Variants in RAPGEF2 observed in about 807,000 individuals in gnomAD.
The protein encoded by RAPGEF2 is Rap guanine nucleotide exchange factor 2.
In RAPGEF2, 54 loss-of-function variants were observed where a neutral mutation model predicts 186.7. That is an observed-to-expected ratio of 0.29 (90% confidence interval 0.23 to 0.36). The LOEUF (loss-of-function observed/expected upper bound fraction) is 0.36. Ranked by LOEUF, RAPGEF2 falls within the 10% of genes least tolerant of loss-of-function variation. RAPGEF2 has a pLI of 1.00. For missense variants in RAPGEF2, 1,532 were observed against 2,045.0 expected (o/e 0.75, Z 4.84); for synonymous variants, 712 against 705.9 (o/e 1.01, Z -0.14).
chr4:159,313,212 T>C (rs1353203813), intron 8 of RAPGEF2, among the ~76,000 whole-genome samples: 1 of 152,166 alleles, frequency 6.6e-6, no homozygotes, highest in East Asian at 1.9e-4. Flanking sequence ...TATTAAATTA[T>C]AGGAAAAGGA....
At chr4:159,334,189 G>A (rs541065496) in intron 17 of RAPGEF2, among the ~76,000 whole-genome samples, 2 of 152,080 alleles carry the variant, frequency 1.3e-5, no homozygotes, top group African/African-American at 2.4e-5. Flanking sequence ...AATAACCTTC[G>A]TTGATGAAAA....
intron 1 of RAPGEF2, among the ~76,000 whole-genome samples, chr4:159,156,382 ATC>A (rs1009771299): frequency 2.6e-5 from 4 of 152,236 alleles, no homozygotes; most frequent in Admixed American, 1.3e-4. Context: ...AAAGAAAAGA[ATC>A]TCTGTTTAAT....
chr4:159,249,779 C>T (rs1164001000), intron 7 of RAPGEF2, among the ~76,000 whole-genome samples: 1 of 152,022 alleles, frequency 6.6e-6, no homozygotes, highest in Non-Finnish European at 1.5e-5. Flanking sequence ...AATTCACATG[C>T]CATACAATTC....
At chr4:159,280,425 G>A (rs1759535688) in intron 7 of RAPGEF2, among the ~76,000 whole-genome samples, 1 of 152,156 alleles carries the variant, frequency 6.6e-6, no homozygotes, top group Non-Finnish European at 1.5e-5. Context: ...CTTCTTTCTT[G>A]GCACTGCTAG....
intron 1 of RAPGEF2, among the ~76,000 whole-genome samples, chr4:159,128,445 T>C (rs895005700): frequency 6.6e-6 from 1 of 152,144 alleles, no homozygotes; most frequent in African/African-American, 2.4e-5. Context: ...TGTAAAGTAT[T>C]ACTATTGCTG....
At position 159,331,714 on chromosome 4, in the gene RAPGEF2, C is replaced by T. The variant is rs771919423; in HGVS notation, c.1660C>T (p.Arg554Ter). ...ATTGATGACGTTAACAAAACCATCC[C>T]GAGAAGCTCCTTTGCCTTTTATCTT... Reference protein sequence around the residue: ...RRLMTLTKPSREAPLPFILLG... With the variant: ...RRLMTLTKPS Residue 554 changes from arginine to a stop codon, truncating the protein, a stop_gained, in exon 15 of 30, where the codon CGA (arginine) becomes TGA (stop). Coordinates refer to ENST00000691494, the MANE Select transcript of RAPGEF2 (RefSeq NM_001394067.2). LOFTEE classifies it high-confidence loss of function. 6.2e-7 allele frequency: 1 copy of T among 1,614,040 alleles called. No homozygotes were observed.
At chr4:159,216,252 C>T (rs75649354) in intron 4 of RAPGEF2, among the ~76,000 whole-genome samples, 1,760 of 152,032 alleles carry the variant, frequency 0.012, 32 homozygotes, top group African/African-American at 0.04. Flanking sequence ...GGCGATGAGG[C>T]GGTTGCATAG....
rs530947352 is a variant in RAPGEF2, at chr4:159,199,269, G to A, written c.197+6013G>A. ...TTATGTACATACGGAGATCCTTTAA[G>A]GCTTCTTGACAATGATATTTTTATA... On this transcript the variant is annotated intron_variant, in intron 3 of 29. Coordinates refer to ENST00000691494, the MANE Select transcript of RAPGEF2 (RefSeq NM_001394067.2). Among the ~76,000 whole-genome samples, 185 of 152,138 alleles carry A rather than the reference G, an allele frequency of 1.2e-3. 1 individual carries two copies. The highest frequency in any genetic ancestry group is 5.2e-3 in the Admixed American group (79 of 15,298).
intron 7 of RAPGEF2, among the ~76,000 whole-genome samples, chr4:159,258,852 A>G (rs553831577): frequency 2.6e-5 from 4 of 152,344 alleles, no homozygotes; most frequent in African/African-American, 9.6e-5. Flanking sequence ...CTGCTTTAAC[A>G]GGTCTATACA....
intron 7 of RAPGEF2, among the ~76,000 whole-genome samples, chr4:159,257,093 TTTTTG>T (rs143881565): frequency 0.02 from 3,020 of 152,230 alleles, 30 homozygotes; most frequent in Middle Eastern, 0.068. Flanking sequence ...GCTTTCGGTG[TTTTTG>T]TTTTGTTTTG....
intron 7 of RAPGEF2, among the ~76,000 whole-genome samples, chr4:159,276,679 C>CT (rs944385833): frequency 1.1e-4 from 17 of 152,168 alleles, no homozygotes; most frequent in African/African-American, 3.9e-4. Flanking sequence ...TCACTAAAAT[C>CT]TTTTAATGTG....
rs770566253 is a variant in RAPGEF2 at position 159,239,770 on chromosome 4, C to T, written c.357+886C>T. On this transcript the variant is annotated intron_variant, in intron 5 of 29. Coordinates refer to ENST00000691494, the MANE Select transcript of RAPGEF2 (RefSeq NM_001394067.2). ...ATATTCTTACTGTCTCCATCCAGCA[C>T]CCTAGCTGGGAAGGAAGATCTTGTA... is the stretch of plus-strand genomic sequence containing the variant. 4.6e-5 allele frequency among the ~76,000 whole-genome samples: 7 copies of T among 152,216 alleles called. 1 individual carries two copies. The highest frequency in any genetic ancestry group is 6.5e-5 in the Admixed American group (1 of 15,300).
At chr4:159,293,819 A>T (rs1287445970) in intron 7 of RAPGEF2, among the ~76,000 whole-genome samples, 1 of 152,182 alleles carries the variant, frequency 6.6e-6, no homozygotes, top group Non-Finnish European at 1.5e-5. Context: ...TTAACCTTCA[A>T]TGCAAAGCTT....
chr4:159,108,482 AT>A, intron 1 of RAPGEF2, among the ~76,000 whole-genome samples: 1 of 149,174 alleles, frequency 6.7e-6, no homozygotes, highest in Non-Finnish European at 1.5e-5. Flanking sequence ...ATAACTTCTT[AT>A]CACTATCATT....
chr4:159,282,657 T>G (rs1759881042), intron 7 of RAPGEF2: 1 of 451,660 alleles, frequency 2.2e-6, no homozygotes, highest in African/African-American at 2.0e-5. Flanking sequence ...ATTCTATTTC[T>G]TCCTAAGGCT....
chr4:159,154,379 A>G (rs1371743073), intron 1 of RAPGEF2, among the ~76,000 whole-genome samples: 1 of 152,122 alleles, frequency 6.6e-6, no homozygotes, highest in Non-Finnish European at 1.5e-5. Context: ...GGTTGTGTTT[A>G]CATCTATTGA....
At position 159,304,336 on chromosome 4, in the gene RAPGEF2, C is replaced by T; in HGVS notation, c.544-6C>T. The T allele has an allele frequency of 6.3e-7, 1 of 1,597,820 alleles. No individual in the cohort carries two copies. The highest frequency in any genetic ancestry group is 8.6e-7 in the Non-Finnish European group (1 of 1,168,852). The stretch of plus-strand genomic sequence containing the variant: ...GTAATCCTAGTTTTTCCTGCTCCTT[C>T]CATAGCTTCCTGCAGATTTCACAAA... On this transcript the variant is annotated splice_polypyrimidine_tract_variant and splice_region_variant and intron_variant, in intron 7 of 29. Transcript: ENST00000691494.
chr4:159,315,029 T>C (rs1018851310), intron 9 of RAPGEF2, among the ~76,000 whole-genome samples: 3 of 122,586 alleles, frequency 2.4e-5, no homozygotes, highest in African/African-American at 8.9e-5. Context: ...TTAAGCTTAG[T>C]TTATGACAAA....
chr4:159,321,052 T>G (rs1765174068), intron 9 of RAPGEF2, among the ~76,000 whole-genome samples: 1 of 152,182 alleles, frequency 6.6e-6, no homozygotes, highest in Non-Finnish European at 1.5e-5. Context: ...GTGAGAAAAC[T>G]ATGACTTAGG....
Sources: allele counts gnomAD v4.1 joint callset (sites outside exome capture counted in the v4.1 genomes callset), GRCh38; gene constraint gnomAD v4.1.1; transcripts MANE v1.5; gene names NCBI Gene and HGNC (gene_info 2026-07-23, HGNC 2026-07-21).